The following DOCK7 variants were observed in gnomAD, a reference collection of about 807,000 sequenced individuals.
The protein encoded by DOCK7 is dedicator of cytokinesis protein 7.
A neutral mutation model predicts 271.0 loss-of-function variants in DOCK7; 138 were observed. The ratio of observed to expected loss-of-function variants is 0.51; its 90% CI spans 0.44 to 0.59. DOCK7 has a LOEUF of 0.59. Among genes scored for constraint, DOCK7 ranks in the 20% least tolerant of loss-of-function variants. The probability of loss-of-function intolerance (pLI) is 0.00; values close to 1 mark genes in which losing one functional copy is unlikely to be tolerated. For synonymous variants in DOCK7, 823 were observed against 876.1 expected (o/e 0.94, Z 1.07); for missense variants, 2,066 against 2,592.4 (o/e 0.80, Z 4.41).
chr1:62,481,940 T>C (rs894826967), intron 43 of DOCK7: 3 of 152,248 alleles, frequency 2.0e-5, no homozygotes, highest in African/African-American at 7.2e-5. Flanking sequence ...CATATAGGCA[T>C]ACCAGTATTT....
chr1:62,487,167 G>C, intron 43 of DOCK7: 1 of 357,386 alleles, frequency 2.8e-6, no homozygotes, highest in South Asian at 9.0e-5. Context: ...ATTTACCAAA[G>C]AATCTCATTA....
intron 7 of DOCK7, chr1:62,641,488 G>T (rs1027759053): frequency 9.1e-6 from 4 of 440,318 alleles, no homozygotes; most frequent in Non-Finnish European, 1.8e-5. Flanking sequence ...TCCACCAAAA[G>T]AGGTGGCTGG....
rs200220657 is a variant in DOCK7 at position 62,496,569 on chromosome 1, T to TA, written c.4765-73dup. 38,146 of 1,406,438 alleles carry TA rather than the reference T, an allele frequency of 0.027. 674 individuals carry two copies. Among genetic ancestry groups the TA allele is most frequent in the Non-Finnish European group, 0.032 (33,733 of 1,046,966 alleles). The allele number at this position is 1,406,438 out of a possible 1,614,324, so 87.1% of individuals were successfully genotyped here. A position where few individuals can be genotyped will look rare whatever the true frequency, so the allele number is the denominator to read the frequency against. ...TAAAAAGTCTGCTATTTTTCCTTGC[T>TA]AAAAGTATATTTAGTGAAAAAATAC... is the stretch of plus-strand genomic sequence containing the variant. On this transcript the variant is annotated intron_variant, in intron 37 of 49. Transcript: ENST00000635253.
At chr1:62,643,772 T>C (rs537583746) in intron 7 of DOCK7, among the ~76,000 whole-genome samples, 3 of 152,256 alleles carry the variant, frequency 2.0e-5, no homozygotes, top group Admixed American at 6.5e-5. Flanking sequence ...TGATATCACT[T>C]TATTTTCCAT....
intron 14 of DOCK7, among the ~76,000 whole-genome samples, chr1:62,596,253 C>G (rs181471655): frequency 3.1e-4 from 47 of 152,148 alleles, no homozygotes; most frequent in African/African-American, 1.1e-3. Flanking sequence ...GAGACTAATC[C>G]ATGGGGAGGT....
intron 44 of DOCK7, among the ~76,000 whole-genome samples, chr1:62,476,819 G>C (rs552020400): frequency 2.0e-5 from 3 of 152,138 alleles, no homozygotes; most frequent in Non-Finnish European, 2.9e-5. Context: ...TTATAATTGA[G>C]TAAGTCTCAA....
Position 62,539,412 on chromosome 1 carries a change from T to C in DOCK7, c.3300+133A>G, listed in dbSNP as rs558324406. On this transcript the variant is annotated intron_variant, in intron 27 of 49. Coordinates refer to ENST00000635253, the MANE Select transcript of DOCK7 (RefSeq NM_001367561.1). ...TACTTTTGCCTTGCTAATAAAAATATGTTACTTTGGCTACTTTTTGTTTTA... is the reference window on the plus strand; with the variant it reads ...TACTTTTGCCTTGCTAATAAAAATACGTTACTTTGGCTACTTTTTGTTTTA... The C allele has an allele frequency of 1.5e-4, 108 of 703,970 alleles. No homozygotes were observed. The East Asian group carries it at 2.9e-3, about 19-fold the overall frequency. 43.6% of individuals were successfully genotyped at this position (703,970 alleles called of 1,614,324 possible). A position where few individuals can be genotyped will look rare whatever the true frequency, so the allele number is the denominator to read the frequency against.
chr1:62,482,999 T>C (rs1646173006), intron 43 of DOCK7: 1 of 151,984 alleles, frequency 6.6e-6, no homozygotes, highest in Non-Finnish European at 1.5e-5. Flanking sequence ...TAGTAAATAT[T>C]TGCTGTCCAT....
chr1:62,615,158 AG>A (rs1652290247), intron 14 of DOCK7, among the ~76,000 whole-genome samples: 1 of 151,918 alleles, frequency 6.6e-6, no homozygotes, highest in Non-Finnish European at 1.5e-5. Context: ...TATTTTTAAA[AG>A]GGAATGGTCA....
intron 15 of DOCK7, among the ~76,000 whole-genome samples, chr1:62,583,705 T>C (rs527638743): frequency 1.3e-5 from 2 of 152,302 alleles, no homozygotes; most frequent in South Asian, 2.1e-4. Flanking sequence ...AGAAATCCTA[T>C]TTTAGGTCAA....
rs573300763 is a variant in DOCK7, at chr1:62,596,154, C to T, written c.1683-9530G>A. 2.3e-4 allele frequency among the ~76,000 whole-genome samples: 35 copies of T among 152,116 alleles called. 1 individual carries two copies. Among genetic ancestry groups the T allele is most frequent in the African/African-American group, 6.0e-4 (25 of 41,442 alleles). ...TTTTGAGCACTACCTGTTTGCCCAG[C>T]ACTGTTCTAAGTGCTCTACATGTAT... is the stretch of plus-strand genomic sequence containing the variant. On this transcript the variant is annotated intron_variant, in intron 14 of 49. Transcript: ENST00000635253.
intron 7 of DOCK7, among the ~76,000 whole-genome samples, chr1:62,647,289 A>G (rs943291236): frequency 6.6e-6 from 1 of 152,202 alleles, no homozygotes; most frequent in Admixed American, 6.5e-5. Flanking sequence ...ACGTATTTCA[A>G]AATCTTCAAA....
At chr1:62,562,869 T>C (rs772243788) in intron 18 of DOCK7, among the ~76,000 whole-genome samples, 3 of 151,958 alleles carry the variant, frequency 2.0e-5, no homozygotes, top group Non-Finnish European at 2.9e-5. Flanking sequence ...TTCCAGCTAG[T>C]TACAAGGGAA....
At chr1:62,624,748 G>T (rs1034266659) in intron 12 of DOCK7, among the ~76,000 whole-genome samples, 3 of 152,136 alleles carry the variant, frequency 2.0e-5, no homozygotes, top group South Asian at 2.1e-4. Flanking sequence ...AGCCGAGGAG[G>T]GTGGATCATG....
intron 48 of DOCK7, among the ~76,000 whole-genome samples, chr1:62,460,558 G>A (rs1230711288): frequency 1.3e-5 from 2 of 151,522 alleles, no homozygotes; most frequent in African/African-American, 4.9e-5. Flanking sequence ...TCCACAGAAG[G>A]CACACTGATG....
chr1:62,500,261 C>G (rs1383220017), intron 37 of DOCK7, among the ~76,000 whole-genome samples: 2 of 151,452 alleles, frequency 1.3e-5, no homozygotes, highest in Non-Finnish European at 2.9e-5. Flanking sequence ...ATAAAAAAGG[C>G]AGAAATACAA....
At chr1:62,456,954 A>T (rs866942851) in intron 49 of DOCK7, among the ~76,000 whole-genome samples, 1 of 152,234 alleles carries the variant, frequency 6.6e-6, no homozygotes, top group Non-Finnish European at 1.5e-5. Context: ...AAGAAAGTTT[A>T]CTTTCTGCAG....
chr1:62,586,696 A>G (rs1158529736), intron 14 of DOCK7, 72 bp from the exon 15 acceptor site: 2 of 873,506 alleles, frequency 2.3e-6, no homozygotes, highest in Admixed American at 5.1e-5. Context: ...ACAAAATACC[A>G]CAAAATAAGT....
chr1:62,631,202 G>T, intron 11 of DOCK7, 38 bp downstream of exon 11: 2 of 1,505,942 alleles, frequency 1.3e-6, no homozygotes, highest in Non-Finnish European at 1.8e-6. Context: ...AAAGAAAAAA[G>T]TAAACATTTA....
Sources: allele counts gnomAD v4.1 joint callset (sites outside exome capture counted in the v4.1 genomes callset), GRCh38; gene constraint gnomAD v4.1.1; transcripts MANE v1.5; gene names NCBI Gene and HGNC (gene_info 2026-07-23, HGNC 2026-07-21).